GNG7: variants seen among roughly 807,000 people sequenced by gnomAD.
The protein encoded by GNG7 is G protein subunit gamma 7.
Under a neutral mutation model 4.0 loss-of-function variants are expected in GNG7, and 1 was observed. That is an observed-to-expected ratio of 0.25 (90% CI 0.09 to 1.18). The LOEUF (loss-of-function observed/expected upper bound fraction) is 1.18, where lower values mean the gene tolerates loss of function less well. GNG7 is among the 50% of genes most tolerant of loss of function. The pLI is 0.50. For synonymous variants in GNG7, 34 were observed against 36.9 expected (o/e 0.92, Z 0.29); for missense variants, 86 against 91.9 (o/e 0.94, Z 0.26).
chr19:2,535,588 C>T (rs1277391873), intron 3 of GNG7, among the ~76,000 whole-genome samples: 2 of 152,028 alleles, frequency 1.3e-5, no homozygotes, highest in African/African-American at 4.8e-5. Context: ...GAAGCGGGGG[C>T]TATGCCTGTC....
intron 1 of GNG7, among the ~76,000 whole-genome samples, chr19:2,661,985 T>A (rs1423570756): frequency 2.0e-5 from 3 of 152,072 alleles, no homozygotes; most frequent in Non-Finnish European, 2.9e-5. Context: ...CATGGCCAGG[T>A]GCAGTGGCTC....
intron 1 of GNG7, among the ~76,000 whole-genome samples, chr19:2,689,367 CCTCCCAGCACTT>C (rs1913081657): frequency 1.3e-5 from 2 of 151,420 alleles, no homozygotes; most frequent in African/African-American, 2.4e-5. Context: ...GCTCGGTGGG[CCTCCCAGCACTT>C]TGGGAGGCCA....
intron 3 of GNG7, among the ~76,000 whole-genome samples, chr19:2,536,929 T>G (rs918966008): frequency 2.0e-5 from 3 of 147,162 alleles, no homozygotes; most frequent in Non-Finnish European, 4.5e-5. Context: ...TATATATACA[T>G]ACATATTTTT....
chr19:2,604,807 G>A (rs1478294350), intron 2 of GNG7, among the ~76,000 whole-genome samples: 1 of 152,134 alleles, frequency 6.6e-6, no homozygotes, highest in Admixed American at 6.6e-5. Flanking sequence ...CAGAGATGCA[G>A]GGCAGTGGCG....
At chr19:2,541,983 C>T (rs1978975711) in intron 3 of GNG7, among the ~76,000 whole-genome samples, 1 of 152,014 alleles carries the variant, frequency 6.6e-6, no homozygotes, top group Non-Finnish European at 1.5e-5. Flanking sequence ...AATGGTGCTT[C>T]TGTACCCAGT....
At chr19:2,517,031 G>T (rs941728102) in intron 4 of GNG7, 1 of 152,250 alleles carries the variant, frequency 6.6e-6, no homozygotes, top group Non-Finnish European at 1.5e-5. Flanking sequence ...TCCCGTAACC[G>T]GTAACTGTGT....
chr19:2,521,894 G>C (rs948323603), intron 3 of GNG7, among the ~76,000 whole-genome samples: 2 of 152,140 alleles, frequency 1.3e-5, no homozygotes, highest in African/African-American at 4.8e-5. Flanking sequence ...GATGACAGGT[G>C]TGAGCCCGGC....
In GNG7 at chr19:2,514,745, C is replaced by A. The variant is rs535194164; in HGVS notation, c.*277G>T. On this transcript the variant is annotated 3_prime_UTR_variant, in exon 5 of 5. Coordinates refer to ENST00000382159, the MANE Select transcript of GNG7 (RefSeq NM_052847.3). ...TCAGTTATTCCGAACGGGAAGTGGC[C>A]GTAAAGCCTCCATCCCTTTTGGCCC... 1 of 260,772 alleles carries A rather than the reference C, an allele frequency of 3.8e-6. No homozygotes were observed. Among genetic ancestry groups the A allele is most frequent in the Admixed American group, 5.1e-5 (1 of 19,432 alleles). 16.2% of individuals were successfully genotyped at this position (260,772 alleles called of 1,614,324 possible).
At chr19:2,556,472 C>T (rs1267716961) in intron 2 of GNG7, among the ~76,000 whole-genome samples, 3 of 152,254 alleles carry the variant, frequency 2.0e-5, no homozygotes, top group Non-Finnish European at 2.9e-5. Flanking sequence ...TCTTCCGTCA[C>T]AAACATTTGC....
At chr19:2,662,379 T>C (rs898037658) in intron 1 of GNG7, among the ~76,000 whole-genome samples, 7 of 151,890 alleles carry the variant, frequency 4.6e-5, no homozygotes, top group African/African-American at 1.7e-4. Context: ...ATTCAGGTGC[T>C]ATCTACCTGG....
intron 3 of GNG7, among the ~76,000 whole-genome samples, chr19:2,522,353 A>G (rs931682621): frequency 6.6e-6 from 1 of 152,130 alleles, no homozygotes; most frequent in African/African-American, 2.4e-5. Flanking sequence ...GTCTGTGAGC[A>G]GTTAATTAAG....
intron 1 of GNG7, among the ~76,000 whole-genome samples, chr19:2,696,368 G>A (rs531106273): frequency 6.8e-6 from 1 of 147,144 alleles, no homozygotes; most frequent in South Asian, 2.2e-4. Context: ...AAGAAAGAAA[G>A]AAAGGAAAGG....
chr19:2,574,627 T>G (rs1980251591), intron 2 of GNG7, among the ~76,000 whole-genome samples: 1 of 152,230 alleles, frequency 6.6e-6, no homozygotes, highest in South Asian at 2.1e-4. Context: ...TATCCACTGA[T>G]GGGCGCCTGG....
At chr19:2,648,091 A>T (rs1316403800) in intron 1 of GNG7, among the ~76,000 whole-genome samples, 1 of 151,112 alleles carries the variant, frequency 6.6e-6, no homozygotes, top group Non-Finnish European at 1.5e-5. Flanking sequence ...CAGAAAAAGG[A>T]CATTAGAAGA....
At chr19:2,643,055 C>G (rs1982555371) in intron 2 of GNG7, 3 of 452,248 alleles carry the variant, frequency 6.6e-6, no homozygotes, top group South Asian at 3.1e-5. Flanking sequence ...AAGTCTGAGC[C>G]CTCTCCGGGC....
chr19:2,696,290 GAGAGAAAGAAAGAAAGAA>G (rs1474186717), intron 1 of GNG7, among the ~76,000 whole-genome samples: 20 of 126,916 alleles, frequency 1.6e-4, no homozygotes, highest in South Asian at 7.7e-4. Flanking sequence ...AAAAGAGAGA[GAGAGAAAGAAAGAAAGAA>G]AGAAAGAAAG....
At chr19:2,553,156 G>T (rs1306072347) in intron 3 of GNG7, among the ~76,000 whole-genome samples, 1 of 148,230 alleles carries the variant, frequency 6.7e-6, no homozygotes, top group Admixed American at 6.8e-5. Context: ...GAAATAAGAT[G>T]CAGATAACTA....
intron 1 of GNG7, among the ~76,000 whole-genome samples, chr19:2,687,473 A>C (rs62121067): frequency 1.4e-4 from 21 of 151,480 alleles, no homozygotes; most frequent in Non-Finnish European, 2.8e-4. Flanking sequence ...AAAATTAGCC[A>C]GGCATGGTGG....
At chr19:2,564,507 G>T (rs918023135) in intron 2 of GNG7, among the ~76,000 whole-genome samples, 17 of 152,198 alleles carry the variant, frequency 1.1e-4, no homozygotes, top group African/African-American at 3.9e-4. Context: ...CCAAGAGGCG[G>T]AGGTTGCAAT....
Sources: gnomAD v4.1 joint callset for allele counts (sites outside exome capture counted in the v4.1 genomes callset) on GRCh38, gnomAD v4.1.1 for gene constraint, MANE v1.5 for transcripts, NCBI Gene and HGNC (gene_info 2026-07-23, HGNC 2026-07-21) for gene names.